ZMYND8: variants seen among roughly 807,000 people sequenced by gnomAD.
The protein encoded by ZMYND8 is MYND-type zinc finger-containing chromatin reader ZMYND8.
In ZMYND8, 37 loss-of-function variants were observed where a neutral mutation model predicts 140.8. That is an observed-to-expected ratio of 0.26 (90% CI 0.20 to 0.35). The LOEUF (loss-of-function observed/expected upper bound fraction) is 0.35, where lower values mean the gene tolerates loss of function less well. ZMYND8 is among the 10% of genes least tolerant of loss of function. The pLI, the probability that ZMYND8 is intolerant of heterozygous loss-of-function variation, is 1.00. For synonymous variants in ZMYND8, 592 were observed against 597.1 expected (o/e 0.99, Z 0.12); for missense variants, 1,068 against 1,570.0 (o/e 0.68, Z 5.40).
intron 12 of ZMYND8, among the ~76,000 whole-genome samples, chr20:47,257,635 T>C (rs941581321): frequency 2.6e-5 from 4 of 152,104 alleles, no homozygotes; most frequent in Non-Finnish European, 4.4e-5. Context: ...TCATACCATA[T>C]ACACACATAC....
chr20:47,262,192 G>C, intron 12 of ZMYND8, 96 bp downstream of exon 12: 5 of 1,552,476 alleles, frequency 3.2e-6, no homozygotes, highest in Non-Finnish European at 1.8e-6. Flanking sequence ...AGAGAAAAGA[G>C]TTGAAGGTTC....
chr20:47,228,435 A>G (rs1448929264), intron 17 of ZMYND8, among the ~76,000 whole-genome samples: 1 of 152,198 alleles, frequency 6.6e-6, no homozygotes, highest in East Asian at 1.9e-4. Context: ...AAATCCAAAA[A>G]AAATTCTGGC....
At chr20:47,257,030 C>A (rs1277048275) in intron 12 of ZMYND8, among the ~76,000 whole-genome samples, 1 of 152,110 alleles carries the variant, frequency 6.6e-6, no homozygotes, top group Non-Finnish European at 1.5e-5. Context: ...AAGGACCGGG[C>A]CCACCTCTTC....
chr20:47,246,227 G>T lies in ZMYND8; in HGVS notation c.2065C>A (p.Pro689Thr), dbSNP rs2040546088. The T allele has an allele frequency of 6.2e-7, 1 of 1,614,032 alleles. No individual in the cohort carries two copies. Among genetic ancestry groups the T allele is most frequent in the African/African-American group, 1.3e-5 (1 of 74,902 alleles). ...DPGAVKDKAS[P>T]EPEKDFSEKA... ...TCGGAAAAGTCCTTCTCAGGCTCAG[G>T]GCTGGCCTTGTCCTTGACTGCTCCA... The change falls in exon 14 of 23, where the codon CCT becomes ACT. Residue 689 changes from proline (P) to threonine (T), a missense_variant. Pro to Thr is a conservative substitution (Grantham distance 38). Transcript: ENST00000471951.
intron 2 of ZMYND8, among the ~76,000 whole-genome samples, chr20:47,316,082 C>T (rs1392632726): frequency 6.6e-6 from 1 of 152,148 alleles, no homozygotes; most frequent in Non-Finnish European, 1.5e-5. Flanking sequence ...CCTGTAATCC[C>T]AGCACTTTGG....
intron 3 of ZMYND8, 131 bp downstream of exon 3, chr20:47,309,925 G>T: frequency 7.9e-7 from 1 of 1,271,844 alleles, no homozygotes; most frequent in Non-Finnish European, 1.1e-6. Flanking sequence ...TTTGTCCAAG[G>T]CAAATGACAG....
chr20:47,330,172 G>C (rs767165583), intron 2 of ZMYND8, among the ~76,000 whole-genome samples: 12 of 152,130 alleles, frequency 7.9e-5, no homozygotes, highest in Admixed American at 1.3e-4. Context: ...TCAGCAAGGT[G>C]CACATCACAG....
intron 3 of ZMYND8, among the ~76,000 whole-genome samples, chr20:47,306,569 T>C (rs2078498111): frequency 6.9e-6 from 1 of 145,618 alleles, no homozygotes; most frequent in Admixed American, 6.8e-5. Context: ...TATGGATTAT[T>C]TGCCTTTTTT....
chr20:47,229,719 C>T lies in ZMYND8; in HGVS notation c.2937+7G>A. 1.2e-6 allele frequency: 2 copies of T among 1,612,388 alleles called. No individual in the cohort carries two copies. Among genetic ancestry groups the T allele is most frequent in the Non-Finnish European group, 1.7e-6 (2 of 1,178,806 alleles). ...AGCAAATAAGAAATTCATGTGTCAT[C>T]TCTGACCTCAGCTATTGTGCTTCCA... On this transcript the variant is annotated splice_region_variant and intron_variant, in intron 17 of 22. Coordinates refer to ENST00000471951, the MANE Select transcript of ZMYND8 (RefSeq NM_001281775.3).
chr20:47,352,543 C>T (rs1292369720), intron 1 of ZMYND8: 7 of 985,376 alleles, frequency 7.1e-6, no homozygotes, highest in Non-Finnish European at 7.2e-6. Context: ...TTGCAAAACC[C>T]GCTTTCAGAG....
chr20:47,249,538 C>A (rs1015268839), intron 12 of ZMYND8, 99 bp from the exon 13 acceptor site: 15 of 1,496,594 alleles, frequency 1.0e-5, no homozygotes, highest in Non-Finnish European at 1.4e-5. Flanking sequence ...CATTTTAGAA[C>A]ATGGGGGAGG....
Position 47,209,247 on chromosome 20 carries a change from TAAAG to T in ZMYND8, c.*1510_*1513del, listed in dbSNP as rs1460629797. 1 of 144,952 alleles carries T rather than the reference TAAAG, an allele frequency of 6.9e-6. No homozygotes were observed. Among genetic ancestry groups the T allele is most frequent in the African/African-American group, 2.6e-5 (1 of 38,742 alleles). The allele number at this position is 144,952 out of a possible 1,614,324, so 9.0% of individuals were successfully genotyped here. On this transcript the variant is annotated 3_prime_UTR_variant, in exon 23 of 23. Coordinates refer to ENST00000471951, the MANE Select transcript of ZMYND8 (RefSeq NM_001281775.3). ...CCAAAACAGTTTAATTAAAAAAAGG[TAAAG>T]AAATCTGAAAAAACTGGGGGGGTGG... is the stretch of plus-strand genomic sequence containing the variant.
intron 15 of ZMYND8, chr20:47,237,511 T>TGAAGACA (rs1293023550): frequency 6.6e-6 from 1 of 152,152 alleles, no homozygotes; most frequent in Admixed American, 6.5e-5. Flanking sequence ...TTATGAGATA[T>TGAAGACA]GAAGACAGAA....
chr20:47,285,498 G>GCCTA (rs2076865691), intron 8 of ZMYND8, among the ~76,000 whole-genome samples: 1 of 152,172 alleles, frequency 6.6e-6, no homozygotes, highest in African/African-American at 2.4e-5. Context: ...ACAGTAAGAT[G>GCCTA]CCTACCGTTT....
intron 3 of ZMYND8, among the ~76,000 whole-genome samples, chr20:47,302,845 A>C (rs1332645280): frequency 1.3e-5 from 2 of 152,236 alleles, no homozygotes; most frequent in African/African-American, 4.8e-5. Context: ...CTGAAAAATA[A>C]GATGACTACT....
rs1170804449 is a variant in ZMYND8 at position 47,255,803 on chromosome 20, C to G, written c.1622-6364G>C. Among the ~76,000 whole-genome samples, 20 of 47,062 alleles carry G rather than the reference C, an allele frequency of 4.2e-4. No homozygotes were observed. In the South Asian group the frequency reaches 0.014, roughly 34 times the overall value. 30.9% of individuals were successfully genotyped at this position (47,062 alleles called of 152,430 possible). A position where few individuals can be genotyped will look rare whatever the true frequency, so the allele number is the denominator to read the frequency against. ...TATTTGTATGTGTATATATATATACCGTATATATATATATTTGTATGTATA... is the reference window on the plus strand; with the variant it reads ...TATTTGTATGTGTATATATATATACGGTATATATATATATTTGTATGTATA... On this transcript the variant is annotated intron_variant, in intron 12 of 22. Transcript: ENST00000471951.
At chr20:47,255,355 T>C (rs551131726) in intron 12 of ZMYND8, among the ~76,000 whole-genome samples, 2 of 151,990 alleles carry the variant, frequency 1.3e-5, no homozygotes, top group Admixed American at 1.3e-4. Flanking sequence ...TATGTACTCA[T>C]TACTTATAAA....
intron 13 of ZMYND8, among the ~76,000 whole-genome samples, chr20:47,248,240 G>A (rs559267561): frequency 6.6e-6 from 1 of 152,176 alleles, no homozygotes; most frequent in East Asian, 1.9e-4. Context: ...AGTGTCCAAG[G>A]AAACACTCAG....
intron 21 of ZMYND8, among the ~76,000 whole-genome samples, chr20:47,213,970 T>TCTAA (rs1555854086): frequency 1.3e-5 from 2 of 152,168 alleles, no homozygotes; most frequent in Non-Finnish European, 2.9e-5. Flanking sequence ...TGCATATAGC[T>TCTAA]CTAACTAAAA....
Sources: gnomAD v4.1 joint callset for allele counts (sites outside exome capture counted in the v4.1 genomes callset) on GRCh38, gnomAD v4.1.1 for gene constraint, MANE v1.5 for transcripts, NCBI Gene and HGNC (gene_info 2026-07-23, HGNC 2026-07-21) for gene names.